Variants in SHANK2 observed in about 807,000 individuals in gnomAD.
SHANK2 encodes the protein SH3 and multiple ankyrin repeat domains 2, also known as SH3 and multiple ankyrin repeat domains protein 2.
Under a neutral mutation model 133.7 loss-of-function variants are expected in SHANK2, and 43 were observed. That is an observed-to-expected ratio of 0.32 (90% CI 0.25 to 0.41). The LOEUF is 0.41. Ranked by LOEUF, SHANK2 falls within the 10% of genes least tolerant of loss-of-function variation. The pLI is 1.00. For missense variants in SHANK2, 1,994 were observed against 2,235.8 expected, an observed-to-expected ratio of 0.89 and a Z score of 2.18; for synonymous variants, 1,017 against 952.8, an observed-to-expected ratio of 1.07 and a Z score of -1.24.
In SHANK2 at chr11:70,618,146, A is replaced by G. The variant is rs577515837; in HGVS notation, c.2061+41682T>C. Among the ~76,000 whole-genome samples, 7 of 152,094 alleles carry G rather than the reference A, an allele frequency of 4.6e-5. No homozygotes were observed. The East Asian group carries it at 1.4e-3, about 29-fold the overall frequency. The stretch of plus-strand genomic sequence containing the variant: ...CCCCGTCTCTACTAAAAATACAAAA[A>G]TTAGCCAGACGTGGTGGCACGCCTG... On this transcript the variant is annotated intron_variant, in intron 17 of 25. Transcript: ENST00000601538.
rs576568646 is a variant in SHANK2 at position 70,913,029 on chromosome 11, C to T, written c.1108-16462G>A. Reference sequence around the variant, plus strand: ...AGGGAACTGAACTACAGATTCTAAGCCAGTTCCTCATTCATTTCCTTTCCC... The same window carrying T: ...AGGGAACTGAACTACAGATTCTAAGTCAGTTCCTCATTCATTTCCTTTCCC... On this transcript the variant is annotated intron_variant, in intron 10 of 25. Transcript: ENST00000601538. 3.3e-5 allele frequency among the ~76,000 whole-genome samples: 5 copies of T among 151,388 alleles called. No individual in the cohort carries two copies. The South Asian group carries it at 1.0e-3, about 32-fold the overall frequency.
At chr11:70,859,848 C>T (rs963648256) in intron 11 of SHANK2, among the ~76,000 whole-genome samples, 14 of 152,280 alleles carry the variant, frequency 9.2e-5, no homozygotes, top group African/African-American at 2.6e-4. Flanking sequence ...GGGCTAAACA[C>T]GAGGACAGAT....
At chr11:70,546,959 C>T (rs1295849512) in intron 17 of SHANK2, among the ~76,000 whole-genome samples, 2 of 152,174 alleles carry the variant, frequency 1.3e-5, no homozygotes, top group Non-Finnish European at 2.9e-5. Flanking sequence ...CCAACTTTAG[C>T]AAGAACTCCC....
At chr11:70,559,506 C>T (rs1231214125) in intron 17 of SHANK2, among the ~76,000 whole-genome samples, 9 of 152,130 alleles carry the variant, frequency 5.9e-5, no homozygotes, top group African/African-American at 1.9e-4. Flanking sequence ...CCTAGCAGGA[C>T]CCCCAGAGCC....
chr11:70,636,337 GA>G (rs1474187493), intron 17 of SHANK2, among the ~76,000 whole-genome samples: 1 of 152,208 alleles, frequency 6.6e-6, no homozygotes, highest in African/African-American at 2.4e-5. Context: ...TAGCATGTGT[GA>G]ATGCGTGTTA....
chr11:70,734,041 G>A (rs1456986094), intron 14 of SHANK2, among the ~76,000 whole-genome samples: 1 of 152,158 alleles, frequency 6.6e-6, no homozygotes, highest in Non-Finnish European at 1.5e-5. Context: ...GCAGTGACTG[G>A]GGAGAGGGGA....
At chr11:70,546,858 C>T (rs1335477531) in intron 17 of SHANK2, among the ~76,000 whole-genome samples, 1 of 152,242 alleles carries the variant, frequency 6.6e-6, no homozygotes, top group Non-Finnish European at 1.5e-5. Flanking sequence ...CCTTGGCCAG[C>T]TCTGTGCTTG....
At chr11:70,763,232 C>T (rs1280521495) in intron 14 of SHANK2, among the ~76,000 whole-genome samples, 1 of 152,184 alleles carries the variant, frequency 6.6e-6, no homozygotes, top group East Asian at 1.9e-4. Flanking sequence ...AATGATGCAT[C>T]CTAATGAACA....
intron 14 of SHANK2, among the ~76,000 whole-genome samples, chr11:70,781,503 A>G (rs1947487454): frequency 7.0e-6 from 1 of 143,674 alleles, no homozygotes; most frequent in African/African-American, 2.6e-5. Context: ...AGTTTTCCAA[A>G]CACAGTCATT....
intron 11 of SHANK2, among the ~76,000 whole-genome samples, chr11:70,893,089 C>T (rs1425869174): frequency 6.6e-6 from 1 of 152,250 alleles, no homozygotes; most frequent in East Asian, 1.9e-4. Context: ...GGCTCTTCTA[C>T]ACATGGAGAC....
intron 12 of SHANK2, among the ~76,000 whole-genome samples, chr11:70,811,560 GATCCATCC>G (rs1200638193): frequency 6.6e-5 from 10 of 150,420 alleles, no homozygotes; most frequent in African/African-American, 2.5e-4. Context: ...ATCCATCATC[GATCCATCC>G]ATCCATCCAT....
At position 70,472,053 on chromosome 11, in the gene SHANK2, C is replaced by G. The variant is rs2058603073; in HGVS notation, c.*816G>C. On this transcript the variant is annotated 3_prime_UTR_variant, in exon 26 of 26. Transcript: ENST00000601538. The surrounding 1 kb of genome is among the most constrained non-coding windows in gnomAD (Gnocchi z 4.4). ...TGGAGCTTGGGCAGTTGCACGCTGG[C>G]TGGCTCCCTTGGCCAGGTCTCCCCT... 1 of 152,684 alleles carries G rather than the reference C, an allele frequency of 6.5e-6. No homozygotes were observed. The highest frequency in any genetic ancestry group is 1.5e-5 in the Non-Finnish European group (1 of 68,064). 9.5% of individuals were successfully genotyped at this position (152,684 alleles called of 1,614,324 possible).
intron 3 of SHANK2, among the ~76,000 whole-genome samples, chr11:71,126,678 T>C (rs538842579): frequency 1.7e-3 from 258 of 152,006 alleles, no homozygotes; most frequent in Admixed American, 2.7e-3. Flanking sequence ...GAGGTGGAAA[T>C]GTCAACATTA....
intron 14 of SHANK2, among the ~76,000 whole-genome samples, chr11:70,714,812 T>C (rs2134610391): frequency 6.6e-6 from 1 of 152,232 alleles, no homozygotes; most frequent in African/African-American, 2.4e-5. Flanking sequence ...CTGTAGCATT[T>C]CTGTCTTATA....
intron 14 of SHANK2, among the ~76,000 whole-genome samples, chr11:70,733,957 G>C (rs1472402229): frequency 2.0e-5 from 3 of 152,242 alleles, no homozygotes; most frequent in Admixed American, 6.5e-5. Context: ...GGTGGGACCT[G>C]GAGACAAAGC....
At position 71,092,466 on chromosome 11, in the gene SHANK2, T is replaced by G; in HGVS notation, c.868A>C (p.Thr290Pro). ...CCGTTCTCATCTTTGCAGCACACAG[T>G]GGCGTGTTCGTGCAGGAGAAGCTCG... ...CCELLLHEHA[T>P]VCCKDENGWH... Residue 290 changes from threonine (T) to proline (P), a missense_variant, in exon 8 of 26, where the codon ACT becomes CCT. By Grantham distance (38) the Thr-to-Pro change is conservative (BLOSUM62 -1). Around this residue, in one of 5 missense-constraint regions of SHANK2, gnomAD observed 653 missense variants for 563.4 expected, o/e 1.16. Transcript: ENST00000601538. 6.4e-7 allele frequency: 1 copy of G among 1,551,418 alleles called. No individual in the cohort carries two copies. The highest frequency in any genetic ancestry group is 8.7e-7 in the Non-Finnish European group (1 of 1,146,966).
Position 71,139,590 on chromosome 11 carries a change from C to G in SHANK2, c.207+7530G>C, listed in dbSNP as rs1252055548. 2.0e-5 allele frequency among the ~76,000 whole-genome samples: 3 copies of G among 152,342 alleles called. No individual in the cohort carries two copies. In the South Asian group the frequency reaches 6.2e-4, roughly 32 times the overall value. On this transcript the variant is annotated intron_variant, in intron 3 of 25. Transcript: ENST00000601538. Reference sequence around the variant, plus strand: ...TTCTTCCCTCTTCCTCATTCACACTCCCCCAGAAATAACAGAGCTCACCAG... The same window carrying G: ...TTCTTCCCTCTTCCTCATTCACACTGCCCCAGAAATAACAGAGCTCACCAG...
intron 17 of SHANK2, among the ~76,000 whole-genome samples, chr11:70,593,188 T>A (rs1328704652): frequency 6.6e-5 from 10 of 152,228 alleles, no homozygotes; most frequent in African/African-American, 2.2e-4. Flanking sequence ...TTTGGCTAGG[T>A]GTAGCTCCTC....
intron 17 of SHANK2, among the ~76,000 whole-genome samples, chr11:70,552,479 C>T (rs1400074085): frequency 6.6e-6 from 1 of 152,228 alleles, no homozygotes; most frequent in Non-Finnish European, 1.5e-5. Context: ...AAAAATTAAT[C>T]CCAACAGCAA....
Sources: gnomAD v4.1 joint callset for allele counts (sites outside exome capture counted in the v4.1 genomes callset) on GRCh38, gnomAD v4.1.1 for gene constraint, gnomAD v4.1.1 regional missense constraint, Gnocchi (gnomAD v3.1) non-coding constraint, MANE v1.5 for transcripts, NCBI Gene and HGNC (gene_info 2026-07-23, HGNC 2026-07-21) for gene names.